ZPBP: variants seen among roughly 807,000 people sequenced by gnomAD.
The protein encoded by ZPBP is zona pellucida-binding protein 1.
ZPBP carries 26 observed loss-of-function variants against 44.8 expected under a neutral mutation model. That is an observed-to-expected ratio of 0.58 (90% confidence interval 0.43 to 0.81). ZPBP has a LOEUF of 0.81. ZPBP is among the 30% of genes least tolerant of loss of function. ZPBP has a pLI of 0.00. For missense variants in ZPBP, 409 were observed against 434.0 expected (o/e 0.94, Z 0.51); for synonymous variants, 174 against 153.2 (o/e 1.14, Z -1.00).
At chr7:50,061,119 T>A (rs566717343) in intron 3 of ZPBP, among the ~76,000 whole-genome samples, 8 of 152,160 alleles carry the variant, frequency 5.3e-5, no homozygotes, top group Non-Finnish European at 1.0e-4. Context: ...CCTCCCTTTA[T>A]GTTAAAAACC....
intron 7 of ZPBP, among the ~76,000 whole-genome samples, chr7:49,982,445 C>A (rs912784274): frequency 6.9e-6 from 1 of 144,882 alleles, no homozygotes; most frequent in African/African-American, 2.5e-5. Flanking sequence ...AATTTGTATT[C>A]TATTTCCTAA....
At chr7:49,892,955 CACTT>C (rs10601888) in intron 2 of ZPBP, among the ~76,000 whole-genome samples, 111,477 of 151,544 alleles carry the variant, frequency 0.74, 41,189 homozygotes, top group East Asian at 0.89. Flanking sequence ...GAAGAATCCT[CACTT>C]AAGTTGTTTA....
intron 6 of ZPBP, among the ~76,000 whole-genome samples, chr7:49,999,064 C>G (rs1471689380): frequency 6.6e-6 from 1 of 151,890 alleles, no homozygotes; most frequent in African/African-American, 2.4e-5. Context: ...AATTTTAACA[C>G]AAATATTCCC....
intron 7 of ZPBP, among the ~76,000 whole-genome samples, chr7:49,945,054 A>G (rs1461490428): frequency 1.3e-5 from 2 of 151,978 alleles, no homozygotes; most frequent in Non-Finnish European, 2.9e-5. Context: ...TTCCATTTTC[A>G]TTTGTTTCAA....
At chr7:49,902,762 G>T (rs1374922177) in intron 1 of ZPBP, among the ~76,000 whole-genome samples, 1 of 151,916 alleles carries the variant, frequency 6.6e-6, no homozygotes, top group Non-Finnish European at 1.5e-5. Context: ...GCATTTGATC[G>T]CATTGAAATA....
intron 7 of ZPBP, among the ~76,000 whole-genome samples, chr7:49,981,481 TA>T (rs1796929221): frequency 1.2e-5 from 1 of 81,866 alleles, no homozygotes; most frequent in Non-Finnish European, 2.1e-5. Flanking sequence ...TTATATATAA[TA>T]TATATTATAT....
chr7:49,904,197 C>T (rs991614625), intron 1 of ZPBP, among the ~76,000 whole-genome samples: 4 of 152,142 alleles, frequency 2.6e-5, no homozygotes, highest in Non-Finnish European at 5.9e-5. Flanking sequence ...ACTTTACAGG[C>T]TGCTCTTTGT....
chr7:49,853,204 C>T (rs984440248), intron 2 of ZPBP, among the ~76,000 whole-genome samples: 14 of 152,346 alleles, frequency 9.2e-5, no homozygotes, highest in Admixed American at 7.8e-4. Flanking sequence ...TGAGGCCTCT[C>T]GTGGTCAGGC....
At chr7:49,937,379 A>G (rs1305186412), downstream of ZPBP, 8 of 638,738 alleles carry the variant, frequency 1.3e-5, no homozygotes, top group African/African-American at 1.8e-5. Context: ...TTTCATCCTC[A>G]TAAAACATTT....
intron 2 of ZPBP, among the ~76,000 whole-genome samples, chr7:49,854,972 A>G (rs1283000656): frequency 6.6e-6 from 1 of 152,238 alleles, no homozygotes; most frequent in Non-Finnish European, 1.5e-5. Context: ...GGCTTTTGTC[A>G]TAAGAGTAGT....
intron 2 of ZPBP, among the ~76,000 whole-genome samples, chr7:49,857,901 G>C (rs921292852): frequency 6.6e-6 from 1 of 152,166 alleles, no homozygotes; most frequent in Non-Finnish European, 1.5e-5. Context: ...TCTGAGCTAA[G>C]TTTGGTGTTT....
At chr7:49,881,060 C>T (rs1268005675) in intron 2 of ZPBP, among the ~76,000 whole-genome samples, 1 of 152,114 alleles carries the variant, frequency 6.6e-6, no homozygotes, top group Non-Finnish European at 1.5e-5. Flanking sequence ...TCTCTGTTGG[C>T]CAATATCTTG....
chr7:49,871,172 T>C (rs1791133490), intron 2 of ZPBP, among the ~76,000 whole-genome samples: 1 of 152,122 alleles, frequency 6.6e-6, no homozygotes, highest in African/African-American at 2.4e-5. Flanking sequence ...AAAATTCAAG[T>C]GGTAAAAATA....
intron 1 of ZPBP, among the ~76,000 whole-genome samples, chr7:50,091,178 T>C (rs1211567539): frequency 6.6e-6 from 1 of 152,042 alleles, no homozygotes; most frequent in Non-Finnish European, 1.5e-5. Flanking sequence ...TTTTTTTTCA[T>C]GCTAATTTGT....
chr7:49,969,609 T>C (rs1796201821), intron 7 of ZPBP, among the ~76,000 whole-genome samples: 1 of 151,400 alleles, frequency 6.6e-6, no homozygotes. Flanking sequence ...TGGCATAAAG[T>C]TGTGTCAAAA....
chr7:49,946,371 A>G (rs1003950704), intron 7 of ZPBP, among the ~76,000 whole-genome samples: 1 of 152,112 alleles, frequency 6.6e-6, no homozygotes, highest in Non-Finnish European at 1.5e-5. Context: ...TCTTATAGGC[A>G]AGGTCTGGTG....
intron 6 of ZPBP, among the ~76,000 whole-genome samples, chr7:49,995,055 T>G (rs903725124): frequency 9.9e-5 from 15 of 152,178 alleles, no homozygotes; most frequent in Non-Finnish European, 1.5e-5. Flanking sequence ...ATTGAACCCC[T>G]AGAAATTTCA....
chr7:50,007,589 A>T (rs1396663000), intron 6 of ZPBP, among the ~76,000 whole-genome samples: 1 of 151,980 alleles, frequency 6.6e-6, no homozygotes, highest in Non-Finnish European at 1.5e-5. Context: ...TGAAAAGAAA[A>T]CCATGAATGA....
chr7:49,946,154 T>C (rs886690424), intron 7 of ZPBP, among the ~76,000 whole-genome samples: 1 of 152,188 alleles, frequency 6.6e-6, no homozygotes, highest in Non-Finnish European at 1.5e-5. Flanking sequence ...TTTCTATTTA[T>C]ATCTTAGTAT....
Sources: allele counts gnomAD v4.1 joint callset (sites outside exome capture counted in the v4.1 genomes callset), GRCh38; gene constraint gnomAD v4.1.1; transcripts MANE v1.5; gene names NCBI Gene and HGNC (gene_info 2026-07-23, HGNC 2026-07-21).